The following COLEC10 variants were observed in gnomAD, a reference collection of about 807,000 sequenced individuals.
COLEC10 encodes collectin-10.
In COLEC10, 22 loss-of-function variants were observed where a neutral mutation model predicts 28.4. The observed-to-expected ratio is 0.78, with a 90% CI of 0.55 to 1.11. COLEC10 has a LOEUF of 1.11. Ranked by LOEUF, COLEC10 falls within the 50% of genes least tolerant of loss-of-function variation. COLEC10 has a pLI of 0.00. For synonymous variants in COLEC10, 125 were observed against 116.1 expected (o/e 1.08, Z -0.49); for missense variants, 361 against 344.1 (o/e 1.05, Z -0.39).
At chr8:119,025,652 G>A (rs1319015086) in intron 2 of COLEC10, among the ~76,000 whole-genome samples, 2 of 152,174 alleles carry the variant, frequency 1.3e-5, no homozygotes, top group Admixed American at 6.5e-5. Context: ...TCCCTTTTGG[G>A]AACCTCCAGT....
At chr8:118,997,581 T>C (rs938378448) in intron 1 of COLEC10, among the ~76,000 whole-genome samples, 10 of 152,244 alleles carry the variant, frequency 6.6e-5, no homozygotes, top group Non-Finnish European at 1.2e-4. Context: ...AAAGTATTTA[T>C]GCCTCAAGTG....
At chr8:118,960,828 A>G in the COLEC10 span, among the ~76,000 whole-genome samples, 2 of 150,198 alleles carry the variant, frequency 1.3e-5, no homozygotes, top group Non-Finnish European at 3.0e-5. Flanking sequence ...GTTCACATGC[A>G]GTAGAAGGAT....
chr8:118,994,016 T>G (rs1349761460), upstream of COLEC10, among the ~76,000 whole-genome samples: 1 of 152,180 alleles, frequency 6.6e-6, no homozygotes, highest in Non-Finnish European at 1.5e-5. Context: ...ATCATCATCT[T>G]AAGCTAGCTC....
chr8:119,086,640 C>A (rs1452216109), intron 1 of COLEC10, among the ~76,000 whole-genome samples: 1 of 152,176 alleles, frequency 6.6e-6, no homozygotes, highest in Non-Finnish European at 1.5e-5. Context: ...ATCACTAAGT[C>A]ACTCACCCGG....
At chr8:119,046,904 G>A (rs1318219716) in intron 2 of COLEC10, among the ~76,000 whole-genome samples, 3 of 152,010 alleles carry the variant, frequency 2.0e-5, no homozygotes, top group Non-Finnish European at 2.9e-5. Context: ...TAGGCTAGTC[G>A]GTGGTCCTAA....
intron 3 of COLEC10, among the ~76,000 whole-genome samples, chr8:119,096,503 A>G (rs1815720620): frequency 6.6e-6 from 1 of 150,632 alleles, no homozygotes; most frequent in Admixed American, 6.6e-5. Flanking sequence ...AGGTGGGAGA[A>G]TCACTTGAAC....
chr8:118,977,788 AT>A, the COLEC10 span, among the ~76,000 whole-genome samples: 21 of 150,870 alleles, frequency 1.4e-4, no homozygotes, highest in African/African-American at 2.2e-4. Context: ...ACTAAAAAAA[AT>A]ATATATATAT....
the COLEC10 span, among the ~76,000 whole-genome samples, chr8:118,966,639 T>C: frequency 1.3e-5 from 2 of 152,022 alleles, no homozygotes; most frequent in Non-Finnish European, 2.9e-5. Context: ...AAGTTGTAGA[T>C]TAATTCCCAC....
chr8:119,065,865 AAAGAAAAAAG>A (rs1315681145), upstream of COLEC10, among the ~76,000 whole-genome samples: 2 of 151,646 alleles, frequency 1.3e-5, no homozygotes, highest in East Asian at 1.9e-4. Flanking sequence ...CAAAAAAAAA[AAAGAAAAAAG>A]AAAAGAAAAA....
intron 2 of COLEC10, among the ~76,000 whole-genome samples, chr8:119,015,145 CAG>C (rs1464927928): frequency 1.3e-5 from 2 of 150,754 alleles, no homozygotes; most frequent in Middle Eastern, 3.2e-3. Flanking sequence ...TTCTTGATTG[CAG>C]GGCATGATGT....
At chr8:119,084,863 G>A (rs972154844) in intron 1 of COLEC10, among the ~76,000 whole-genome samples, 2 of 152,016 alleles carry the variant, frequency 1.3e-5, no homozygotes, top group Non-Finnish European at 2.9e-5. Context: ...TTACAATAAA[G>A]GGTAAAAAAA....
At chr8:118,969,780 C>T in the COLEC10 span, among the ~76,000 whole-genome samples, 13 of 151,520 alleles carry the variant, frequency 8.6e-5, no homozygotes, top group African/African-American at 2.2e-4. Flanking sequence ...ATTTATTACA[C>T]GCACTGTAGC....
intron 1 of COLEC10, among the ~76,000 whole-genome samples, chr8:119,073,982 GTA>G (rs1368299293): frequency 6.7e-6 from 1 of 149,976 alleles, no homozygotes; most frequent in East Asian, 2.0e-4. Flanking sequence ...ATATATACAC[GTA>G]TATATATACA....
At chr8:118,969,908 G>T in the COLEC10 span, among the ~76,000 whole-genome samples, 1 of 151,808 alleles carries the variant, frequency 6.6e-6, no homozygotes, top group African/African-American at 2.4e-5. Flanking sequence ...TAATTGGCAG[G>T]TCACTAACCA....
chr8:118,982,259 T>C, the COLEC10 span, among the ~76,000 whole-genome samples: 1 of 152,196 alleles, frequency 6.6e-6, no homozygotes, highest in African/African-American at 2.4e-5. Context: ...CTGGAAATAA[T>C]TTCCTTAAAT....
chr8:119,089,642 T>G, intron 1 of COLEC10, 38 bp from the exon 2 acceptor site: 8 of 1,521,582 alleles, frequency 5.3e-6, no homozygotes, highest in South Asian at 1.1e-5. Flanking sequence ...TGTTACTGTT[T>G]GAGATGCTTC....
chr8:119,056,449 C>A (rs535258004), intron 2 of COLEC10, among the ~76,000 whole-genome samples: 2 of 152,018 alleles, frequency 1.3e-5, no homozygotes, highest in South Asian at 4.1e-4. Flanking sequence ...GATCCACAAC[C>A]TTTCCCTTCA....
chr8:119,106,071 A>AC lies in COLEC10; in HGVS notation c.717dup (p.Ser240GlnfsTer7). 1 of 1,613,870 alleles carries AC rather than the reference A, an allele frequency of 6.2e-7. No homozygotes were observed. Among genetic ancestry groups the AC allele is most frequent in the Middle Eastern group, 1.7e-4 (1 of 6,056 alleles). On this transcript the variant is annotated frameshift_variant, in exon 6 of 6. Coordinates refer to ENST00000332843, the MANE Select transcript of COLEC10 (RefSeq NM_006438.5). LOFTEE classifies it high-confidence loss of function. Reference sequence around the variant, plus strand: ...ACTATAGCAACTGGAATGAGGGGGAACCCAGCGACCCCTATGGTCATGAGG... The same window carrying AC: ...ACTATAGCAACTGGAATGAGGGGGAACCCCAGCGACCCCTATGGTCATGAGG...
intron 1 of COLEC10, among the ~76,000 whole-genome samples, chr8:119,005,046 T>C (rs554953214): frequency 6.6e-6 from 1 of 152,206 alleles, no homozygotes; most frequent in South Asian, 2.1e-4. Flanking sequence ...TGACATCTGC[T>C]AAAGGATAAA....
Sources: gnomAD v4.1 joint callset for allele counts (sites outside exome capture counted in the v4.1 genomes callset) on GRCh38, gnomAD v4.1.1 for gene constraint, MANE v1.5 for transcripts, NCBI Gene and HGNC (gene_info 2026-07-23, HGNC 2026-07-21) for gene names.